The following SNCAIP variants were observed in gnomAD, a reference collection of about 807,000 sequenced individuals.
The protein encoded by SNCAIP is synuclein alpha interacting protein, also known as synphilin-1.
In SNCAIP, 43 loss-of-function variants were observed where a neutral mutation model predicts 86.7. The ratio of observed to expected loss-of-function variants is 0.50; its 90% CI spans 0.39 to 0.64. The LOEUF (loss-of-function observed/expected upper bound fraction) is 0.64, where lower values mean the gene tolerates loss of function less well. SNCAIP is among the 30% of genes least tolerant of loss of function. The probability of loss-of-function intolerance (pLI) is 0.00; values close to 1 mark genes in which losing one functional copy is unlikely to be tolerated. For missense variants in SNCAIP, 981 were observed against 1,103.1 expected (o/e 0.89, Z 1.57); for synonymous variants, 417 against 427.2 (o/e 0.98, Z 0.29).
At chr5:122,450,242 T>C (rs189037959) in intron 9 of SNCAIP, among the ~76,000 whole-genome samples, 266 of 152,312 alleles carry the variant, frequency 1.7e-3, no homozygotes, top group African/African-American at 5.9e-3. Context: ...TATATATAGC[T>C]TGATAAGTTT....
intron 6 of SNCAIP, chr5:122,437,266 C>G (rs1453932679): frequency 6.6e-6 from 1 of 152,134 alleles, no homozygotes; most frequent in Non-Finnish European, 1.5e-5. Flanking sequence ...GAGGTATTTT[C>G]AGATAGTCAT....
rs578106921 is a variant in SNCAIP at position 122,334,593 on chromosome 5, G to C, written c.-47+22309G>C. 1.8e-3 allele frequency among the ~76,000 whole-genome samples: 273 copies of C among 152,330 alleles called. 1 individual carries two copies. Among genetic ancestry groups the C allele is most frequent in the Non-Finnish European group, 2.5e-3 (171 of 68,026 alleles). ...CTAGCACAGGTTCTTGTCAGTGGAC[G>C]TCAGGTGGTAACGTTGAGGGAAGGA... On this transcript the variant is annotated intron_variant, in intron 1 of 10. Coordinates refer to ENST00000261368, the MANE Select transcript of SNCAIP (RefSeq NM_005460.4).
At chr5:122,373,397 G>A (rs986426224) in intron 1 of SNCAIP, among the ~76,000 whole-genome samples, 3 of 152,096 alleles carry the variant, frequency 2.0e-5, no homozygotes, top group African/African-American at 7.2e-5. Context: ...TATCAACATA[G>A]TGGATTTATT....
chr5:122,317,104 C>G (rs1426783483), intron 1 of SNCAIP, among the ~76,000 whole-genome samples: 1 of 152,084 alleles, frequency 6.6e-6, no homozygotes, highest in East Asian at 1.9e-4. Flanking sequence ...GTAGAGTTTG[C>G]TATAAAGTCC....
chr5:122,385,158 G>A (rs544602634), intron 1 of SNCAIP, among the ~76,000 whole-genome samples: 4 of 152,260 alleles, frequency 2.6e-5, no homozygotes, highest in African/African-American at 7.2e-5. Context: ...TTGTCCTGGC[G>A]AGCATCACAT....
chr5:122,324,190 A>C (rs1309228736), intron 1 of SNCAIP, among the ~76,000 whole-genome samples: 1 of 152,160 alleles, frequency 6.6e-6, no homozygotes, highest in Non-Finnish European at 1.5e-5. Context: ...GAGATGAAAA[A>C]AATAGCAGAA....
At position 122,384,963 on chromosome 5, in the gene SNCAIP, C is replaced by A. The variant is rs573101354; in HGVS notation, c.-46-6126C>A. On this transcript the variant is annotated intron_variant, in intron 1 of 10. Transcript: ENST00000261368. The stretch of plus-strand genomic sequence containing the variant: ...AATGTTATGCGTCTTTCTGGACATT[C>A]TGTTCCAGAATTCTCACTTCCAGGC... 1.5e-4 allele frequency among the ~76,000 whole-genome samples: 23 copies of A among 152,340 alleles called. No homozygotes were observed. In the South Asian group the frequency reaches 4.8e-3, roughly 32 times the overall value.
At chr5:122,411,969 C>T (rs1774233092) in intron 3 of SNCAIP, among the ~76,000 whole-genome samples, 1 of 152,174 alleles carries the variant, frequency 6.6e-6, no homozygotes. Flanking sequence ...GGATGGTTCT[C>T]AAGATATGCA....
Position 122,451,016 on chromosome 5 carries a change from A to G in SNCAIP, c.2169A>G (p.Lys723=). The change falls in exon 10 of 11, where the codon AAA becomes AAG. Residue 723 remains lysine (K), a synonymous_variant. Coordinates refer to ENST00000261368, the MANE Select transcript of SNCAIP (RefSeq NM_005460.4). ...SAESLHLMIK[K]HTLASGGRRF... Reference sequence around the variant, plus strand: ...AAAGCCTGCACCTGATGATTAAGAAACACACCTTGGCATCAGGGGGACGCA... The same window carrying G: ...AAAGCCTGCACCTGATGATTAAGAAGCACACCTTGGCATCAGGGGGACGCA... 1 of 1,614,124 alleles carries G rather than the reference A, an allele frequency of 6.2e-7. No individual in the cohort carries two copies.
intron 10 of SNCAIP, 61 bp downstream of exon 10, chr5:122,451,662 A>G (rs2153002862): frequency 1.6e-6 from 2 of 1,267,020 alleles, no homozygotes; most frequent in Non-Finnish European, 2.3e-6. Flanking sequence ...TGTTCCTAAT[A>G]TCACAGATTG....
intron 5 of SNCAIP, among the ~76,000 whole-genome samples, chr5:122,431,003 T>A (rs2152943229): frequency 6.6e-6 from 1 of 152,310 alleles, no homozygotes; most frequent in East Asian, 1.9e-4. Context: ...TAATTTCAAA[T>A]ATGAGTTTAC....
chr5:122,417,449 A>T (rs1775538755), intron 3 of SNCAIP, among the ~76,000 whole-genome samples: 1 of 152,188 alleles, frequency 6.6e-6, no homozygotes, highest in African/African-American at 2.4e-5. Context: ...GAGGAAACTG[A>T]GGAATGTTTT....
intron 1 of SNCAIP, among the ~76,000 whole-genome samples, chr5:122,365,901 G>A (rs957064551): frequency 4.6e-5 from 7 of 152,086 alleles, no homozygotes; most frequent in African/African-American, 1.4e-4. Flanking sequence ...ATTTGCTGGG[G>A]AATTTTTCAC....
rs1754138619 is a variant in SNCAIP at position 122,326,639 on chromosome 5, T to TA, written c.-47+14356dup. Among the ~76,000 whole-genome samples the TA allele has an allele frequency of 8.3e-5, 9 of 107,856 alleles. No homozygotes were observed. In the Admixed American group the frequency reaches 8.5e-4, roughly 10 times the overall value. 70.8% of individuals were successfully genotyped at this position (107,856 alleles called of 152,430 possible). A position where few individuals can be genotyped will look rare whatever the true frequency, so the allele number is the denominator to read the frequency against. ...TTTTTTTTTTTTTTTTTTTTTTTTT[T>TA]ACAATTAAGTAGAGTCAAGGGAGGA... On this transcript the variant is annotated intron_variant, in intron 1 of 10. Transcript: ENST00000261368.
At chr5:122,364,128 C>T (rs779550291) in intron 1 of SNCAIP, among the ~76,000 whole-genome samples, 1 of 152,194 alleles carries the variant, frequency 6.6e-6, no homozygotes, top group Non-Finnish European at 1.5e-5. Context: ...ACCAGAGCAA[C>T]TCCATCTTGA....
rs752479430 is a variant in SNCAIP, at chr5:122,451,346, T to G, written c.2499T>G (p.Asn833Lys). The G allele has an allele frequency of 6.2e-7, 1 of 1,614,010 alleles. No individual in the cohort carries two copies. Among genetic ancestry groups the G allele is most frequent in the Non-Finnish European group, 8.5e-7 (1 of 1,180,004 alleles). Residue 833 changes from asparagine (N) to lysine (K), a missense_variant, in exon 10 of 11, where the codon AAT (asparagine) becomes AAG (lysine). Transcript: ENST00000261368. ...TGGAGCAGCCTAGCCTTGAACTGAA[T>G]GGAGAAAAAGACAAAGATAAGGGCA... ...VQMEQPSLEL[N>K]GEKDKDKGRT... is the part of the protein sequence containing the mutation.
At chr5:122,364,295 G>A (rs1453439317) in intron 1 of SNCAIP, among the ~76,000 whole-genome samples, 1 of 152,234 alleles carries the variant, frequency 6.6e-6, no homozygotes, top group Non-Finnish European at 1.5e-5. Context: ...GGGCTGCGCT[G>A]TCTGTGGAGT....
intron 3 of SNCAIP, among the ~76,000 whole-genome samples, chr5:122,414,572 A>G (rs1774900718): frequency 6.6e-6 from 1 of 152,214 alleles, no homozygotes; most frequent in African/African-American, 2.4e-5. Context: ...GAAGGTTCCT[A>G]GTAAATGGTT....
At chr5:122,376,459 T>C (rs557233627) in intron 1 of SNCAIP, among the ~76,000 whole-genome samples, 2 of 152,308 alleles carry the variant, frequency 1.3e-5, no homozygotes, top group East Asian at 1.9e-4. Flanking sequence ...CATAGTTCCC[T>C]TCCAGAAGCC....
Sources: gnomAD v4.1 joint callset for allele counts (sites outside exome capture counted in the v4.1 genomes callset) on GRCh38, gnomAD v4.1.1 for gene constraint, MANE v1.5 for transcripts, NCBI Gene and HGNC (gene_info 2026-07-23, HGNC 2026-07-21) for gene names.